KIFC3: variants seen among roughly 807,000 people sequenced by gnomAD.
KIFC3 encodes kinesin-like protein KIFC3.
A neutral mutation model predicts 101.8 loss-of-function variants in KIFC3; 60 were observed. That is an observed-to-expected ratio of 0.59 (90% CI 0.48 to 0.73). The LOEUF (loss-of-function observed/expected upper bound fraction) is 0.73. KIFC3 is among the 30% of genes least tolerant of loss of function. KIFC3 has a pLI of 0.00. For synonymous variants in KIFC3, 476 were observed against 482.7 expected, an observed-to-expected ratio of 0.99 and a Z score of 0.18; for missense variants, 966 against 1,137.1, an observed-to-expected ratio of 0.85 and a Z score of 2.16.
chr16:57,832,396 T>A (rs1438975668), intron 1 of KIFC3, among the ~76,000 whole-genome samples: 1 of 136,118 alleles, frequency 7.3e-6, no homozygotes, highest in Admixed American at 8.3e-5. Flanking sequence ...CAATCTTGGC[T>A]CACTGCAATC....
chr16:57,798,306 A>C, intron 1 of KIFC3, 24 bp from the exon 2 acceptor site: 1 of 1,537,784 alleles, frequency 6.5e-7, no homozygotes, highest in Non-Finnish European at 8.8e-7. Context: ...AAGGGGAGAT[A>C]AGCTTGAAGA....
chr16:57,847,259 GAA>G lies in KIFC3; in HGVS notation c.108+15468_108+15469del, dbSNP rs1567339426. Among the ~76,000 whole-genome samples, 344 of 96,462 alleles carry G rather than the reference GAA, an allele frequency of 3.6e-3. 6 individuals carry two copies. The highest frequency in any genetic ancestry group is 0.013 in the South Asian group (33 of 2,562). The allele number at this position is 96,462 out of a possible 152,430, so 63.3% of individuals were successfully genotyped here. On this transcript the variant is annotated intron_variant, in intron 1 of 2. Coordinates refer to the KIFC3 transcript ENST00000563028. ...GGAAGGAAGGAAGGAAGGAAGGAAGGAAGGAAGGAAGGGAAGGGAGGGAGGGA... is the reference window on the plus strand; with the variant it reads ...GGAAGGAAGGAAGGAAGGAAGGAAGGGGAAGGAAGGGAAGGGAGGGAGGGA...
At chr16:57,761,740 T>C (rs1017781604) in intron 13 of KIFC3, among the ~76,000 whole-genome samples, 11 of 152,046 alleles carry the variant, frequency 7.2e-5, no homozygotes, top group Non-Finnish European at 1.5e-4. Flanking sequence ...TGAGCCCCTG[T>C]TGGCAGGGCC....
intron 1 of KIFC3, among the ~76,000 whole-genome samples, chr16:57,812,287 C>A (rs1246688156): frequency 1.3e-5 from 2 of 151,666 alleles, no homozygotes; most frequent in Non-Finnish European, 2.9e-5. Context: ...CATGATCTGC[C>A]CGCCTCAGCC....
chr16:57,778,944 G>A (rs755569712), intron 3 of KIFC3, among the ~76,000 whole-genome samples: 15 of 152,154 alleles, frequency 9.9e-5, no homozygotes, highest in Non-Finnish European at 1.9e-4. Context: ...GTGCTGATAA[G>A]GATATGGAGA....
intron 10 of KIFC3, chr16:57,765,930 G>A (rs1033873807): frequency 7.1e-5 from 25 of 350,776 alleles, no homozygotes; most frequent in African/African-American, 4.8e-4. Flanking sequence ...CCGTCAGGGT[G>A]AGACACCAGA....
chr16:57,802,770 G>C, upstream of KIFC3: 1 of 741,578 alleles, frequency 1.3e-6, no homozygotes, highest in Non-Finnish European at 2.3e-6. The surrounding 1 kb of genome is among the most constrained non-coding windows in gnomAD (Gnocchi z 5.0). Context: ...TCACAAAACA[G>C]GCCTGCACAC....
chr16:57,797,661 C>A, intron 2 of KIFC3: 1 of 1,108,156 alleles, frequency 9.0e-7, no homozygotes, highest in Non-Finnish European at 1.1e-6. Flanking sequence ...CAGGCAGGAT[C>A]AAGTGTCAGC....
intron 1 of KIFC3, among the ~76,000 whole-genome samples, chr16:57,861,577 C>T (rs779302945): frequency 1.3e-5 from 2 of 152,180 alleles, no homozygotes; most frequent in Non-Finnish European, 2.9e-5. Context: ...GTGGACCCAG[C>T]GTCCACTTTC....
At chr16:57,773,402 G>T (rs556733479) in intron 3 of KIFC3, among the ~76,000 whole-genome samples, 1 of 152,202 alleles carries the variant, frequency 6.6e-6, no homozygotes, top group Admixed American at 6.5e-5. Flanking sequence ...GACAGGAGGT[G>T]AGAACGCACA....
chr16:57,803,110 C>T, upstream of KIFC3: 1 of 1,324,880 alleles, frequency 7.5e-7, no homozygotes, highest in Non-Finnish European at 1.0e-6. Flanking sequence ...ACCTCTGCAC[C>T]CCCAGCCCCA....
chr16:57,775,467 A>G, intron 3 of KIFC3: 1 of 996,954 alleles, frequency 1.0e-6, no homozygotes, highest in African/African-American at 1.7e-5. Context: ...TTTCTCCTGC[A>G]CTTGAAGGCA....
chr16:57,845,453 T>G (rs528382824), intron 1 of KIFC3, among the ~76,000 whole-genome samples: 1 of 152,310 alleles, frequency 6.6e-6, no homozygotes, highest in East Asian at 1.9e-4. Flanking sequence ...AAACCAAGGT[T>G]CTGCAGTGGC....
At position 57,797,982 on chromosome 16, in the gene KIFC3, G is replaced by A; in HGVS notation, c.172+90C>T. On this transcript the variant is annotated intron_variant, in intron 2 of 19. Coordinates refer to ENST00000445690, the MANE Select transcript of KIFC3 (RefSeq NM_001130100.2). ...GTAATTACCTGACAGCTCTGACTGG[G>A]CTTAGGAACCGGTGAGAAACCTCAG... is the stretch of plus-strand genomic sequence containing the variant. The A allele has an allele frequency of 2.6e-6, 4 of 1,547,124 alleles. No individual in the cohort carries two copies. The Admixed American group carries it at 7.9e-5, about 30-fold the overall frequency.
intron 1 of KIFC3, among the ~76,000 whole-genome samples, chr16:57,861,166 A>G (rs1310867046): frequency 1.3e-5 from 2 of 152,192 alleles, no homozygotes; most frequent in Non-Finnish European, 2.9e-5. Context: ...TATGTGTACT[A>G]TTATCTTTAA....
At chr16:57,850,876 C>T (rs1243779397) in intron 1 of KIFC3, among the ~76,000 whole-genome samples, 1 of 152,154 alleles carries the variant, frequency 6.6e-6, no homozygotes, top group African/African-American at 2.4e-5. Context: ...TTGATATTCT[C>T]TGCCCTTTCT....
At chr16:57,823,668 C>T (rs959196356) in intron 1 of KIFC3, among the ~76,000 whole-genome samples, 1 of 152,284 alleles carries the variant, frequency 6.6e-6, no homozygotes, top group East Asian at 1.9e-4. Flanking sequence ...TCTTGGCTCA[C>T]TGCAACCTCC....
chr16:57,785,416 G>T, intron 3 of KIFC3: 1 of 1,206,270 alleles, frequency 8.3e-7, no homozygotes, highest in Non-Finnish European at 1.1e-6. Flanking sequence ...CCTCTGACCT[G>T]CTCCATAGTG....
At chr16:57,809,797 G>A (rs2055022961) in intron 1 of KIFC3, among the ~76,000 whole-genome samples, 1 of 152,056 alleles carries the variant, frequency 6.6e-6, no homozygotes, top group South Asian at 2.1e-4. Flanking sequence ...TACTTTTCAC[G>A]CTAATTTACA....
Sources: gnomAD v4.1 joint callset for allele counts (sites outside exome capture counted in the v4.1 genomes callset) on GRCh38, gnomAD v4.1.1 for gene constraint, Gnocchi (gnomAD v3.1) non-coding constraint, MANE v1.5 for transcripts, NCBI Gene and HGNC (gene_info 2026-07-23, HGNC 2026-07-21) for gene names.